STYX: variants seen among roughly 807,000 people sequenced by gnomAD.
STYX encodes serine/threonine/tyrosine-interacting protein.
STYX carries 20 observed loss-of-function variants against 42.7 expected under a neutral mutation model. The ratio of observed to expected loss-of-function variants is 0.47; its 90% CI spans 0.33 to 0.68. The LOEUF is 0.68. Ranked by LOEUF, STYX falls within the 30% of genes least tolerant of loss-of-function variation. The pLI is 0.02. For synonymous variants in STYX, 78 were observed against 81.9 expected (o/e 0.95, Z 0.26); for missense variants, 226 against 268.5 (o/e 0.84, Z 1.11).
chr14:52,733,116 G>A (rs1880800592), intron 1 of STYX, among the ~76,000 whole-genome samples: 1 of 152,084 alleles, frequency 6.6e-6, no homozygotes, highest in Admixed American at 6.5e-5. Context: ...CAACACAGTA[G>A]CACAAGACAC....
intron 9 of STYX, among the ~76,000 whole-genome samples, chr14:52,760,557 C>T (rs1882052288): frequency 6.6e-6 from 1 of 152,134 alleles, no homozygotes; most frequent in Non-Finnish European, 1.5e-5. Context: ...TAATTACATC[C>T]AATTATGTAG....
rs1164786533 is a variant in STYX at position 52,744,726 on chromosome 14, A to T, written c.58-126A>T. ...TTTGTGAAACCAAGTCTGCTATTTT[A>T]ATAAAATGTTCTTAAAGTATAATGT... is the stretch of plus-strand genomic sequence containing the variant. On this transcript the variant is annotated intron_variant, in intron 1 of 10. Coordinates refer to ENST00000354586, the MANE Select transcript of STYX (RefSeq NM_145251.4). The T allele has an allele frequency of 3.6e-6, 3 of 841,382 alleles. No homozygotes were observed. The East Asian group carries it at 8.8e-5, about 25-fold the overall frequency. The allele number at this position is 841,382 out of a possible 1,614,324, so 52.1% of individuals were successfully genotyped here.
chr14:52,760,914 CTCAA>C (rs1454510427), intron 9 of STYX, among the ~76,000 whole-genome samples: 1 of 152,140 alleles, frequency 6.6e-6, no homozygotes, highest in African/African-American at 2.4e-5. Flanking sequence ...TATCCATCCC[CTCAA>C]TCATTTATCC....
intron 4 of STYX, among the ~76,000 whole-genome samples, chr14:52,752,839 T>C (rs1410042166): frequency 2.0e-5 from 3 of 151,438 alleles, no homozygotes; most frequent in Non-Finnish European, 4.4e-5. Flanking sequence ...TAGAGGGACG[T>C]ATTTTTCTTT....
rs143379164 is a variant in STYX at position 52,750,610 on chromosome 14, T to C, written c.145-73T>C. On this transcript the variant is annotated intron_variant, in intron 3 of 10. Transcript: ENST00000354586. ...TGTGTATTTTCAAACATCTGTGTTA[T>C]ATAGTAAGATGATGTTTGATATTTT... The C allele has an allele frequency of 2.9e-3, 2,852 of 984,002 alleles. 62 individuals carry two copies. In the African/African-American group the frequency reaches 0.042, roughly 15 times the overall value. 61.0% of individuals were successfully genotyped at this position (984,002 alleles called of 1,614,324 possible).
In STYX at chr14:52,774,087, AGTGACCTTTACTTGTATCTACTCTGTG is replaced by A. The variant is rs1406357034; in HGVS notation, c.*2985_*3011del. The A allele has an allele frequency of 3.3e-5, 5 of 152,302 alleles. No individual in the cohort carries two copies. The highest frequency in any genetic ancestry group is 2.1e-4 in the South Asian group (1 of 4,824). 9.4% of individuals were successfully genotyped at this position (152,302 alleles called of 1,614,324 possible). On this transcript the variant is annotated 3_prime_UTR_variant, in exon 11 of 11. Transcript: ENST00000354586. ...CTTACCTGTTAGATGTTTAAACTGCAGTGACCTTTACTTGTATCTACTCTGTGGTGGAAATGTTAAACCATGATAGCT... is the reference window on the plus strand; with the variant it reads ...CTTACCTGTTAGATGTTTAAACTGCAGTGGAAATGTTAAACCATGATAGCT...
chr14:52,767,433 A>ATGGCATT (rs1444459745), intron 9 of STYX, among the ~76,000 whole-genome samples: 8 of 152,112 alleles, frequency 5.3e-5, no homozygotes, highest in Admixed American at 4.6e-4. Flanking sequence ...TATAAGTTTT[A>ATGGCATT]TGGCATTTTC....
Position 52,761,782 on chromosome 14 carries a change from C to G in STYX, c.504+2028C>G, listed in dbSNP as rs74837613. On this transcript the variant is annotated intron_variant, in intron 9 of 10. Transcript: ENST00000354586. ...TGGGATGGCCGGGTGTGGTGGCTCA[C>G]GCCTGTAATCCCAACACTTTGGGAG... 6.5e-3 allele frequency among the ~76,000 whole-genome samples: 968 copies of G among 149,784 alleles called. 15 individuals carry two copies. Among genetic ancestry groups the G allele is most frequent in the African/African-American group, 0.023 (936 of 40,966 alleles).
chr14:52,746,747 A>G (rs1328074513), intron 3 of STYX, among the ~76,000 whole-genome samples: 2 of 152,184 alleles, frequency 1.3e-5, no homozygotes, highest in East Asian at 3.8e-4. Context: ...TTAATAACTT[A>G]TTTACTCTCT....
chr14:52,735,522 G>C (rs1043352591), intron 1 of STYX, among the ~76,000 whole-genome samples: 1 of 152,104 alleles, frequency 6.6e-6, no homozygotes, highest in Admixed American at 6.6e-5. Context: ...ACTATACATA[G>C]GGGCCACATA....
chr14:52,746,638 A>C (rs1211916352), intron 3 of STYX, among the ~76,000 whole-genome samples, 159 bp downstream of exon 3: 2 of 152,176 alleles, frequency 1.3e-5, no homozygotes, highest in East Asian at 3.8e-4. Context: ...TCCCTATTTT[A>C]CTAGACCAGT....
At chr14:52,765,798 C>T (rs138735562) in intron 9 of STYX, among the ~76,000 whole-genome samples, 281 of 152,154 alleles carry the variant, frequency 1.8e-3, no homozygotes, top group African/African-American at 6.2e-3. Flanking sequence ...ATAGGGTTTG[C>T]GCTCCTGTGA....
At chr14:52,757,460 T>TTGG in intron 6 of STYX, 105 bp downstream of exon 6, 2 of 1,057,746 alleles carry the variant, frequency 1.9e-6, no homozygotes, top group Non-Finnish European at 2.8e-6. Flanking sequence ...TACAATTATA[T>TTGG]GTAGTAGCTT....
chr14:52,748,535 G>A (rs1881480650), intron 3 of STYX, among the ~76,000 whole-genome samples: 1 of 152,140 alleles, frequency 6.6e-6, no homozygotes. Flanking sequence ...GTTTGTTTTT[G>A]TAAAGTTTTT....
chr14:52,762,882 C>CTTTTTTT (rs869029320), intron 9 of STYX, among the ~76,000 whole-genome samples: 2 of 26,840 alleles, frequency 7.5e-5, no homozygotes, highest in Admixed American at 5.8e-4. Flanking sequence ...TTCTTTCTTT[C>CTTTTTTT]TTTTTTTTTT....
rs180854096 is a variant in STYX at position 52,771,329 on chromosome 14, G to A, written c.*223G>A. ...CTCCTTTTTTTAAAAACACATGCGC[G>A]CGCACACACACATGCTTTACAAGTT... On this transcript the variant is annotated 3_prime_UTR_variant, in exon 11 of 11. Transcript: ENST00000354586. 3.2e-4 allele frequency: 137 copies of A among 428,668 alleles called. No homozygotes were observed. The highest frequency in any genetic ancestry group is 2.1e-3 in the Admixed American group (52 of 25,138). 26.6% of individuals were successfully genotyped at this position (428,668 alleles called of 1,614,324 possible).
At position 52,730,492 on chromosome 14, in the gene STYX, G is replaced by C. The variant is rs557006022; in HGVS notation, c.18G>C (p.Leu6=). MEDVK[L]EFPSLPQCKE... is the part of the protein sequence containing the mutation. ...CCAGCACCATGGAGGACGTGAAGCTGGAGTTCCCTTCCCTTCCACAGTGCA... is the reference window on the plus strand; with the variant it reads ...CCAGCACCATGGAGGACGTGAAGCTCGAGTTCCCTTCCCTTCCACAGTGCA... Residue 6 remains leucine (L), a synonymous_variant, in exon 1 of 11, where the codon CTG becomes CTC. Transcript: ENST00000354586. 1.4e-4 allele frequency: 229 copies of C among 1,613,754 alleles called. 3 individuals are homozygous for C. The South Asian group carries it at 2.5e-3, about 17-fold the overall frequency.
At chr14:52,735,000 T>G (rs563097039) in intron 1 of STYX, among the ~76,000 whole-genome samples, 1 of 150,462 alleles carries the variant, frequency 6.6e-6, no homozygotes, top group South Asian at 2.1e-4. Flanking sequence ...GAGCTTGCAG[T>G]GAGCCGAGAT....
At position 52,772,543 on chromosome 14, in the gene STYX, C is replaced by T. The variant is rs1262097603; in HGVS notation, c.*1437C>T. 1 of 152,516 alleles carries T rather than the reference C, an allele frequency of 6.6e-6. No individual in the cohort carries two copies. The highest frequency in any genetic ancestry group is 2.4e-5 in the African/African-American group (1 of 41,426). The allele number at this position is 152,516 out of a possible 1,614,324, so 9.4% of individuals were successfully genotyped here. A position where few individuals can be genotyped will look rare whatever the true frequency, so the allele number is the denominator to read the frequency against. On this transcript the variant is annotated 3_prime_UTR_variant, in exon 11 of 11. Coordinates refer to ENST00000354586, the MANE Select transcript of STYX (RefSeq NM_145251.4). Reference sequence around the variant, plus strand: ...TGACTTTAGGGTAGCACAAACAAAACTCCTTTGTATCTAACTTTTCTCAAT... The same window carrying T: ...TGACTTTAGGGTAGCACAAACAAAATTCCTTTGTATCTAACTTTTCTCAAT...
Sources: allele counts gnomAD v4.1 joint callset (sites outside exome capture counted in the v4.1 genomes callset), GRCh38; gene constraint gnomAD v4.1.1; transcripts MANE v1.5; gene names NCBI Gene and HGNC (gene_info 2026-07-23, HGNC 2026-07-21).